The following IDO2 variants were observed in gnomAD, a reference collection of about 807,000 sequenced individuals.
The protein encoded by IDO2 is indoleamine 2,3-dioxygenase 2, also known as indoleamine 2,3-dioxygenase-like 1 protein.
A neutral mutation model predicts 45.1 loss-of-function variants in IDO2; 46 were observed. The observed-to-expected ratio is 1.02, with a 90% CI of 0.80 to 1.30. The LOEUF (loss-of-function observed/expected upper bound fraction) is 1.30. IDO2 is among the 50% of genes most tolerant of loss of function. The pLI is 0.00. For missense variants in IDO2, 544 were observed against 491.8 expected, an observed-to-expected ratio of 1.11 and a Z score of -1.00; for synonymous variants, 218 against 184.9, an observed-to-expected ratio of 1.18 and a Z score of -1.45.
intron 6 of IDO2, 136 bp downstream of exon 6, chr8:39,985,658 T>C: frequency 2.7e-6 from 2 of 728,608 alleles, no homozygotes; most frequent in South Asian, 4.0e-5. Flanking sequence ...AAAAATATAC[T>C]AGAAGGAAAT....
chr8:40,015,661 A>G, exon 11 of IDO2: 5 of 1,287,358 alleles, frequency 3.9e-6, no homozygotes, highest in Non-Finnish European at 5.5e-6. Flanking sequence ...GGCCTGGAGA[A>G]TGAGGGTCAG....
intron 10 of IDO2, among the ~76,000 whole-genome samples, 178 bp downstream of exon 10, chr8:40,013,891 G>A (rs998617799): frequency 2.0e-5 from 3 of 152,086 alleles, no homozygotes; most frequent in Non-Finnish European, 4.4e-5. Context: ...ATTAATATTG[G>A]AATATCAGAT....
chr8:39,985,587 A>G (rs1808410923), intron 6 of IDO2, 65 bp downstream of exon 6: 2 of 1,298,774 alleles, frequency 1.5e-6, no homozygotes, highest in Admixed American at 4.2e-5. Flanking sequence ...TTACAATAAA[A>G]CAAAGAACAA....
At chr8:39,941,524 G>A (rs1407462825) in intron 1 of IDO2, among the ~76,000 whole-genome samples, 2 of 152,084 alleles carry the variant, frequency 1.3e-5, no homozygotes, top group Admixed American at 1.3e-4. Context: ...GCTCTTGAAA[G>A]TTTTATTGGC....
At chr8:39,963,029 C>T (rs1043622327) in intron 2 of IDO2, among the ~76,000 whole-genome samples, 2 of 152,218 alleles carry the variant, frequency 1.3e-5, no homozygotes, top group African/African-American at 4.8e-5. Flanking sequence ...CTGTTTTAGG[C>T]TTGAAGGTGG....
chr8:39,982,873 T>C (rs890789653), intron 5 of IDO2, 103 bp downstream of exon 5: 10 of 759,894 alleles, frequency 1.3e-5, no homozygotes, highest in Middle Eastern at 2.4e-4. Context: ...GTCTGCCGTA[T>C]GGTTCCAAAG....
chr8:39,981,339 C>T (rs1485605779), intron 4 of IDO2, among the ~76,000 whole-genome samples: 2 of 152,186 alleles, frequency 1.3e-5, no homozygotes, highest in East Asian at 1.9e-4. Context: ...GGATTACAGG[C>T]GTGAGCCACC....
chr8:40,010,341 G>A (rs576620952), intron 9 of IDO2, among the ~76,000 whole-genome samples: 143 of 152,276 alleles, frequency 9.4e-4, no homozygotes, highest in African/African-American at 3.2e-3. Context: ...CAGCAGGGCC[G>A]CAACACTCAG....
At chr8:39,980,202 T>C (rs1410335846) in intron 4 of IDO2, among the ~76,000 whole-genome samples, 1 of 152,192 alleles carries the variant, frequency 6.6e-6, no homozygotes, top group Non-Finnish European at 1.5e-5. Flanking sequence ...TTGCTCTTCA[T>C]AATCCTGTAA....
intron 2 of IDO2, among the ~76,000 whole-genome samples, chr8:39,962,807 T>C (rs1246779711): frequency 3.9e-5 from 6 of 152,056 alleles, no homozygotes; most frequent in Non-Finnish European, 8.8e-5. Context: ...AAGCAAACCA[T>C]AGGTAGTATC....
At chr8:39,981,489 T>C (rs1442618533) in intron 4 of IDO2, among the ~76,000 whole-genome samples, 1 of 151,938 alleles carries the variant, frequency 6.6e-6, no homozygotes, top group Admixed American at 6.6e-5. Flanking sequence ...AGAGTGACAG[T>C]GGAAAGAAGT....
chr8:39,946,698 C>T (rs1233351092), intron 1 of IDO2, among the ~76,000 whole-genome samples: 1 of 152,204 alleles, frequency 6.6e-6, no homozygotes. Context: ...GTCTCCCGCA[C>T]AGCCTGCTCT....
rs1476211099 is a variant in IDO2, at chr8:39,935,099, T to C, written c.-137T>C. On this transcript the variant is annotated 5_prime_UTR_variant, in exon 1 of 11. The change abolishes an upstream ATG in the 5' untranslated region. Coordinates refer to ENST00000502986, the Ensembl canonical transcript of IDO2. ...ATTGGATTAGATTTGACATTAGAAA[T>C]GTACCATAATACAGAAGGCAATGGA... The C allele has an allele frequency of 5.0e-6, 5 of 1,001,844 alleles. No homozygotes were observed. Among genetic ancestry groups the C allele is most frequent in the Non-Finnish European group, 8.0e-6 (5 of 621,234 alleles). The allele number at this position is 1,001,844 out of a possible 1,614,324, so 62.1% of individuals were successfully genotyped here.
intron 1 of IDO2, 100 bp downstream of exon 1, chr8:39,935,318 T>C: frequency 1.0e-6 from 1 of 968,212 alleles, no homozygotes; most frequent in Non-Finnish European, 1.6e-6. Context: ...ATCACTGTTC[T>C]CTATTGTAAA....
intron 3 of IDO2, among the ~76,000 whole-genome samples, chr8:39,976,380 G>A (rs1350776028): frequency 6.6e-6 from 1 of 152,152 alleles, no homozygotes; most frequent in Non-Finnish European, 1.5e-5. Flanking sequence ...CTCTCAAGGA[G>A]CAAGCAGGAT....
At chr8:39,990,865 A>G (rs1213538356) in intron 8 of IDO2, among the ~76,000 whole-genome samples, 1 of 152,206 alleles carries the variant, frequency 6.6e-6, no homozygotes, top group Non-Finnish European at 1.5e-5. Context: ...TACTGCATTC[A>G]GTTTCCAACA....
At chr8:39,960,365 T>C (rs1414989349) in intron 2 of IDO2, among the ~76,000 whole-genome samples, 1 of 152,206 alleles carries the variant, frequency 6.6e-6, no homozygotes, top group Non-Finnish European at 1.5e-5. Flanking sequence ...ATTCTGGCTC[T>C]CTCTCTCCTC....
chr8:39,985,520 T>C (rs1563435220), exon 6 of IDO2: 17 of 1,565,020 alleles, frequency 1.1e-5, no homozygotes, highest in Non-Finnish European at 1.5e-5. Flanking sequence ...TCCTGGAAAT[T>C]GGGTAAGTTC....
chr8:39,980,631 C>G (rs1808328367), intron 4 of IDO2, among the ~76,000 whole-genome samples: 1 of 152,128 alleles, frequency 6.6e-6, no homozygotes, highest in African/African-American at 2.4e-5. Flanking sequence ...AGCCTGTGCC[C>G]ATCGTGTTTG....
Sources: gnomAD v4.1 joint callset for allele counts (sites outside exome capture counted in the v4.1 genomes callset) on GRCh38, gnomAD v4.1.1 for gene constraint, MANE v1.5 for transcripts, NCBI Gene and HGNC (gene_info 2026-07-23, HGNC 2026-07-21) for gene names.